Variants in NPLOC4 observed in about 807,000 individuals in gnomAD.
NPLOC4 encodes the protein nuclear protein localization protein 4 homolog.
A neutral mutation model predicts 80.6 loss-of-function variants in NPLOC4; 18 were observed. That is an observed-to-expected ratio of 0.22 (90% CI 0.15 to 0.33). The LOEUF is 0.33. Ranked by LOEUF, NPLOC4 falls within the 10% of genes least tolerant of loss-of-function variation. NPLOC4 has a pLI of 1.00. For synonymous variants in NPLOC4, 313 were observed against 301.5 expected (o/e 1.04, Z -0.39); for missense variants, 540 against 786.1 (o/e 0.69, Z 3.74).
rs1470605980 is a variant in NPLOC4 at position 81,622,181 on chromosome 17, T to C, written c.194A>G (p.Asn65Ser). Residue 65 changes from asparagine to serine, a missense_variant, in exon 3 of 17, where the codon AAC becomes AGC. Coordinates refer to ENST00000331134, the MANE Select transcript of NPLOC4 (RefSeq NM_017921.4). ...GGACACTTACTTGATTTTTAGCAAG[T>C]TGAGGGATTTGTTGGAGGAGGCTGT... ...EITASSNKSL[N>S]LLKIKHGDLL... 3 of 1,611,120 alleles carry C rather than the reference T, an allele frequency of 1.9e-6. No homozygotes were observed. Among genetic ancestry groups the C allele is most frequent in the South Asian group, 1.1e-5 (1 of 91,002 alleles).
At chr17:81,619,287 G>T (rs2035597975) in intron 3 of NPLOC4, among the ~76,000 whole-genome samples, 1 of 152,074 alleles carries the variant, frequency 6.6e-6, no homozygotes, top group Non-Finnish European at 1.5e-5. Flanking sequence ...TGAGGCAGGA[G>T]AATGGCATGA....
chr17:81,621,550 G>T (rs569171712), intron 3 of NPLOC4, among the ~76,000 whole-genome samples: 7 of 152,310 alleles, frequency 4.6e-5, no homozygotes, highest in African/African-American at 1.7e-4. Context: ...AGATGGTTTC[G>T]ATGGGAGCCA....
intron 12 of NPLOC4, among the ~76,000 whole-genome samples, chr17:81,586,871 G>A (rs887606385): frequency 1.3e-5 from 2 of 152,180 alleles, no homozygotes; most frequent in East Asian, 1.9e-4. Flanking sequence ...AATGCAACTC[G>A]GCTCTGACCA....
At chr17:81,564,148 G>A in intron 16 of NPLOC4, 1 of 289,180 alleles carries the variant, frequency 3.5e-6, no homozygotes, top group Non-Finnish European at 6.8e-6. Context: ...AAACTATTAG[G>A]TACTATGTGT....
chr17:81,611,350 T>TG (rs1568153301), intron 4 of NPLOC4, among the ~76,000 whole-genome samples: 1 of 151,664 alleles, frequency 6.6e-6, no homozygotes, highest in African/African-American at 2.4e-5. Context: ...TAGTTTTTTT[T>TG]TTGTTTTCTT....
At chr17:81,614,986 C>G (rs980730677) in intron 3 of NPLOC4, among the ~76,000 whole-genome samples, 4 of 152,188 alleles carry the variant, frequency 2.6e-5, no homozygotes, top group Non-Finnish European at 5.9e-5. Flanking sequence ...CAAGGACACA[C>G]AGACACTGGG....
intron 4 of NPLOC4, 191 bp downstream of exon 4, chr17:81,613,127 T>TAAAAAAAAAATAA: frequency 2.3e-6 from 1 of 425,902 alleles, no homozygotes; most frequent in Non-Finnish European, 3.9e-6. Context: ...GATAAAAAGC[T>TAAAAAAAAAATAA]AAAAAAAAAA....
At chr17:81,600,316 G>C (rs1192645432) in intron 9 of NPLOC4, 25 bp downstream of exon 9, 1 of 1,580,882 alleles carries the variant, frequency 6.3e-7, no homozygotes, top group Non-Finnish European at 8.6e-7. Flanking sequence ...CACGCCCCCT[G>C]CTTGGCTGCC....
At chr17:81,579,240 TG>T (rs2034375297) in intron 12 of NPLOC4, among the ~76,000 whole-genome samples, 1 of 152,072 alleles carries the variant, frequency 6.6e-6, no homozygotes, top group Non-Finnish European at 1.5e-5. Flanking sequence ...TAGCTGGGCG[TG>T]GTGGTGGGCG....
At position 81,591,873 on chromosome 17, in the gene NPLOC4, C is replaced by G. The variant is rs532348794; in HGVS notation, c.1121-2769G>C. ...TGCATTTCTGGTTTTTTAACCAGAT[C>G]CCCAGCAAGTAATTTTAACAGCCCG... On this transcript the variant is annotated intron_variant, in intron 11 of 16. Coordinates refer to ENST00000331134, the MANE Select transcript of NPLOC4 (RefSeq NM_017921.4). Among the ~76,000 whole-genome samples the G allele has an allele frequency of 3.9e-5, 6 of 152,318 alleles. No homozygotes were observed. The South Asian group carries it at 6.2e-4, about 16-fold the overall frequency.
chr17:81,585,660 C>G (rs184125893), intron 12 of NPLOC4, among the ~76,000 whole-genome samples: 1 of 117,592 alleles, frequency 8.5e-6, no homozygotes, highest in African/African-American at 4.3e-5. Context: ...GACTCCATTT[C>G]TGGGGGGGGG....
chr17:81,569,107 G>A lies in NPLOC4; in HGVS notation c.1358C>T (p.Thr453Ile). 1.9e-6 allele frequency: 3 copies of A among 1,605,978 alleles called. No homozygotes were observed. Among genetic ancestry groups the A allele is most frequent in the Non-Finnish European group, 2.6e-6 (3 of 1,172,758 alleles). ...LPVEYLIIDI[T>I]TTFPKDPVYT... ...AACTGGATCCTTGGGGAAAGTTGTT[G>A]TGATCTAATGAAGAAAAACACAAAC... Residue 453 changes from threonine (T) to isoleucine (I), a missense_variant, in exon 14 of 17, where the codon ACA becomes ATA. Coordinates refer to ENST00000331134, the MANE Select transcript of NPLOC4 (RefSeq NM_017921.4).
At position 81,625,915 on chromosome 17, in the gene NPLOC4, G is replaced by A. The variant is rs141386799; in HGVS notation, c.97-3637C>T. The stretch of plus-strand genomic sequence containing the variant: ...TGTAATCCCAACACTTTGGGAGGCC[G>A]AGTTGGGCAGATCACCTGAAGTCAG... On this transcript the variant is annotated intron_variant, in intron 2 of 16. Transcript: ENST00000331134. Among the ~76,000 whole-genome samples the A allele has an allele frequency of 8.2e-3, 1,245 of 152,126 alleles. 9 individuals are homozygous for A. Among genetic ancestry groups the A allele is most frequent in the Non-Finnish European group, 0.012 (814 of 68,000 alleles).
At position 81,570,682 on chromosome 17, in the gene NPLOC4, G is replaced by A. The variant is rs181381251; in HGVS notation, c.1353+1335C>T. 1.8e-4 allele frequency among the ~76,000 whole-genome samples: 28 copies of A among 152,300 alleles called. No individual in the cohort carries two copies. In the East Asian group the frequency reaches 2.9e-3, roughly 16 times the overall value. Reference sequence around the variant, plus strand: ...CCCCAGAACCCACAAAGAAACCCCAGTAACACTGGCTGGTGCCTTTTCCTG... The same window carrying A: ...CCCCAGAACCCACAAAGAAACCCCAATAACACTGGCTGGTGCCTTTTCCTG... On this transcript the variant is annotated intron_variant, in intron 13 of 16. Coordinates refer to ENST00000331134, the MANE Select transcript of NPLOC4 (RefSeq NM_017921.4).
chr17:81,606,694 T>C lies in NPLOC4; in HGVS notation c.651A>G (p.Arg217=), dbSNP rs1299877747. The C allele has an allele frequency of 1.2e-6, 2 of 1,612,416 alleles. No individual in the cohort carries two copies. Among genetic ancestry groups the C allele is most frequent in the East Asian group, 4.5e-5 (2 of 44,850 alleles). ...KCQPSAITLN[R]QKYRHVDNIM... The stretch of plus-strand genomic sequence containing the variant: ...AGACAGACAGGGAACATCTCACCTG[T>C]CTGTTCAGCGTGATGGCGCTCGGCT... The change falls in exon 7 of 17, where the codon AGA becomes AGG. Residue 217 remains arginine, a synonymous_variant. Coordinates refer to ENST00000331134, the MANE Select transcript of NPLOC4 (RefSeq NM_017921.4).
chr17:81,594,295 A>AAC (rs2034834352), intron 11 of NPLOC4, among the ~76,000 whole-genome samples: 1 of 150,648 alleles, frequency 6.6e-6, no homozygotes, highest in Admixed American at 6.6e-5. Context: ...AAAAAAAAAA[A>AAC]AAAAAAAAAC....
chr17:81,631,453 T>A (rs1349211219), intron 1 of NPLOC4, among the ~76,000 whole-genome samples: 2,161 of 102,552 alleles, frequency 0.021, 87 homozygotes, highest in Admixed American at 0.06. Context: ...TTTTTTTTTT[T>A]TTTTTTTTTC....
intron 12 of NPLOC4, among the ~76,000 whole-genome samples, chr17:81,578,106 C>A (rs1045587093): frequency 6.6e-6 from 1 of 152,180 alleles, no homozygotes; most frequent in Non-Finnish European, 1.5e-5. Context: ...TGGATTGTTG[C>A]AAAAGCTTCC....
chr17:81,634,447 G>GA (rs35549457), intron 1 of NPLOC4, among the ~76,000 whole-genome samples: 66,526 of 150,172 alleles, frequency 0.44, 15,928 homozygotes, highest in East Asian at 0.77. Context: ...ACACTAGTGG[G>GA]AAAAAAAAAA....
Sources: allele counts gnomAD v4.1 joint callset (sites outside exome capture counted in the v4.1 genomes callset), GRCh38; gene constraint gnomAD v4.1.1; transcripts MANE v1.5; gene names NCBI Gene and HGNC (gene_info 2026-07-23, HGNC 2026-07-21).